GREB1L: variants seen among roughly 807,000 people sequenced by gnomAD.
GREB1L encodes the protein GREB1 like retinoic acid receptor coactivator, also known as GREB1-like protein.
Under a neutral mutation model 200.8 loss-of-function variants are expected in GREB1L, and 17 were observed. That is an observed-to-expected ratio of 0.08 (90% CI 0.06 to 0.13). The LOEUF (loss-of-function observed/expected upper bound fraction) is 0.13, where lower values mean the gene tolerates loss of function less well. GREB1L is among the 10% of genes least tolerant of loss of function. The probability of loss-of-function intolerance (pLI) is 1.00; values close to 1 mark genes in which losing one functional copy is unlikely to be tolerated. For missense variants in GREB1L, 1,657 were observed against 2,367.7 expected (o/e 0.70, Z 6.23); for synonymous variants, 789 against 893.0 (o/e 0.88, Z 2.08).
At chr18:21,427,342 A>C (rs1367006299) in intron 7 of GREB1L, among the ~76,000 whole-genome samples, 2 of 152,004 alleles carry the variant, frequency 1.3e-5, no homozygotes, top group African/African-American at 4.8e-5. Flanking sequence ...CATCTCTACA[A>C]GAAATACAAA....
chr18:21,328,662 G>A (rs2039061330), intron 1 of GREB1L, among the ~76,000 whole-genome samples: 1 of 151,728 alleles, frequency 6.6e-6, no homozygotes. Context: ...ATACGTGCAT[G>A]TGTGTGTGTG....
At chr18:21,516,802 A>G in intron 30 of GREB1L, 48 bp downstream of exon 30, 1 of 1,509,686 alleles carries the variant, frequency 6.6e-7, no homozygotes, top group Non-Finnish European at 9.0e-7. Flanking sequence ...GCACAATGAT[A>G]ATGACTATCT....
intron 1 of GREB1L, among the ~76,000 whole-genome samples, chr18:21,307,067 C>T (rs1415504294): frequency 2.6e-5 from 4 of 152,174 alleles, no homozygotes; most frequent in African/African-American, 9.7e-5. Flanking sequence ...AAGTAGCAGA[C>T]TTCAAAGTTA....
intron 1 of GREB1L, among the ~76,000 whole-genome samples, chr18:21,254,061 A>ATT (rs547876546): frequency 0.07 from 4,926 of 70,442 alleles, 1,223 homozygotes; most frequent in African/African-American, 0.23. Context: ...TTTCAGGCAT[A>ATT]TTTTTTTTTT....
chr18:21,466,096 G>A (rs570714796), intron 15 of GREB1L, among the ~76,000 whole-genome samples: 2 of 152,204 alleles, frequency 1.3e-5, no homozygotes, highest in East Asian at 3.9e-4. Flanking sequence ...CGTCCCTGAA[G>A]TTGTTCCTGC....
At chr18:21,486,943 A>AATTAAAATGAG (rs1241699443) in intron 18 of GREB1L, among the ~76,000 whole-genome samples, 1 of 152,232 alleles carries the variant, frequency 6.6e-6, no homozygotes, top group African/African-American at 2.4e-5. Context: ...AAGAAAAGGA[A>AATTAAAATGAG]ATTAAAATGA....
intron 1 of GREB1L, among the ~76,000 whole-genome samples, chr18:21,247,570 C>T (rs547940682): frequency 2.0e-5 from 3 of 152,276 alleles, no homozygotes; most frequent in East Asian, 3.9e-4. Flanking sequence ...CTGCTTGTTA[C>T]GGCTCTTCCA....
chr18:21,337,223 A>C (rs1296500807), intron 1 of GREB1L, among the ~76,000 whole-genome samples: 1 of 152,202 alleles, frequency 6.6e-6, no homozygotes, highest in Non-Finnish European at 1.5e-5. Flanking sequence ...TCCTAAGCAT[A>C]CTGTTGAATC....
rs897935592 is a variant in GREB1L at position 21,496,609 on chromosome 18, G to C, written c.3302G>C (p.Arg1101Thr). The part of the protein sequence containing the change: ...ALDLSGKEQE[R>T]AAVSENDSDE... ...GACCTCAGCGGGAAGGAGCAGGAGAGAGCTGCTGTCAGTGAGAATGACTCC... is the reference window on the plus strand; with the variant it reads ...GACCTCAGCGGGAAGGAGCAGGAGACAGCTGCTGTCAGTGAGAATGACTCC... Residue 1101 changes from arginine (R) to threonine (T), a missense_variant, in exon 21 of 33, where the codon AGA becomes ACA. This residue lies in a region of GREB1L where 512 missense variants were observed against 668.3 expected (regional missense o/e 0.77). Coordinates refer to ENST00000424526, the MANE Select transcript of GREB1L (RefSeq NM_001142966.3). The C allele has an allele frequency of 9.0e-6, 14 of 1,551,618 alleles. No homozygotes were observed. In the African/African-American group the frequency reaches 1.6e-4, roughly 18 times the overall value.
intron 13 of GREB1L, 80 bp downstream of exon 13, chr18:21,451,231 T>C: frequency 1.4e-6 from 2 of 1,441,918 alleles, no homozygotes; most frequent in East Asian, 5.0e-5. Flanking sequence ...CCTGTCAAGA[T>C]GAGTGTGGAG....
At chr18:21,354,749 A>G (rs552357800) in intron 1 of GREB1L, among the ~76,000 whole-genome samples, 4 of 152,258 alleles carry the variant, frequency 2.6e-5, no homozygotes, top group Non-Finnish European at 4.4e-5. Flanking sequence ...AAAGTAAAAG[A>G]TGGGGTGGGT....
intron 7 of GREB1L, among the ~76,000 whole-genome samples, chr18:21,423,934 A>G (rs997912249): frequency 5.3e-5 from 8 of 152,198 alleles, no homozygotes; most frequent in Admixed American, 3.3e-4. Context: ...ATTGCCCTAC[A>G]AGCATTATAC....
At chr18:21,478,254 T>C (rs1275783723) in intron 17 of GREB1L, among the ~76,000 whole-genome samples, 4 of 152,220 alleles carry the variant, frequency 2.6e-5, no homozygotes, top group Non-Finnish European at 5.9e-5. Context: ...CATCTCAACA[T>C]TGGATATATC....
At chr18:21,273,949 A>G (rs2038120581) in intron 1 of GREB1L, among the ~76,000 whole-genome samples, 2 of 152,258 alleles carry the variant, frequency 1.3e-5, no homozygotes, top group Non-Finnish European at 2.9e-5. Flanking sequence ...ATGACAATGT[A>G]TAATAAACAT....
At chr18:21,397,882 C>G (rs898664403) in intron 5 of GREB1L, among the ~76,000 whole-genome samples, 1 of 152,152 alleles carries the variant, frequency 6.6e-6, no homozygotes, top group Non-Finnish European at 1.5e-5. Flanking sequence ...GAGGCTCTTA[C>G]GTAGGGACAC....
chr18:21,386,405 C>T (rs928768050), intron 4 of GREB1L, among the ~76,000 whole-genome samples: 2 of 152,122 alleles, frequency 1.3e-5, no homozygotes, highest in Non-Finnish European at 2.9e-5. Flanking sequence ...AGTTCTCTGC[C>T]TCAGCCTCAC....
At chr18:21,368,957 C>A (rs886875709) in intron 2 of GREB1L, among the ~76,000 whole-genome samples, 1 of 152,092 alleles carries the variant, frequency 6.6e-6, no homozygotes, top group Admixed American at 6.5e-5. Flanking sequence ...ACTTTGCAAA[C>A]AACTTTTTTG....
chr18:21,381,651 G>C (rs1367715883), intron 2 of GREB1L, among the ~76,000 whole-genome samples: 2 of 152,092 alleles, frequency 1.3e-5, no homozygotes, highest in Non-Finnish European at 2.9e-5. Context: ...GCAGATTCTG[G>C]AAAATTCCAT....
Position 21,525,574 on chromosome 18 carries a change from A to ATCT in GREB1L, c.*2755_*2757dup, listed in dbSNP as rs1171943259. Among the ~76,000 whole-genome samples, 5 of 152,216 alleles carry ATCT rather than the reference A, an allele frequency of 3.3e-5. No individual in the cohort carries two copies. The highest frequency in any genetic ancestry group is 7.3e-5 in the Non-Finnish European group (5 of 68,042). ...TTGAAAACATACATAGTAGATACCAATCTTTTATTTGACAGATTGCAACTA... is the reference window on the plus strand; with the variant it reads ...TTGAAAACATACATAGTAGATACCAATCTTCTTTTATTTGACAGATTGCAACTA... On this transcript the variant is annotated 3_prime_UTR_variant, in exon 33 of 33. Coordinates refer to ENST00000424526, the MANE Select transcript of GREB1L (RefSeq NM_001142966.3).
Sources: allele counts gnomAD v4.1 joint callset (sites outside exome capture counted in the v4.1 genomes callset), GRCh38; gene constraint gnomAD v4.1.1; regional missense constraint gnomAD v4.1.1; transcripts MANE v1.5; gene names NCBI Gene and HGNC (gene_info 2026-07-23, HGNC 2026-07-21).